The following OSBPL3 variants were observed in gnomAD, a reference collection of about 807,000 sequenced individuals.
OSBPL3 encodes the protein oxysterol binding protein like 3.
A neutral mutation model predicts 120.1 loss-of-function variants in OSBPL3; 65 were observed. The ratio of observed to expected loss-of-function variants is 0.54; its 90% confidence interval spans 0.44 to 0.67. The LOEUF (loss-of-function observed/expected upper bound fraction) is 0.67. Ranked by LOEUF, OSBPL3 falls within the 30% of genes least tolerant of loss-of-function variation. The pLI is 0.00. For synonymous variants in OSBPL3, 416 were observed against 402.6 expected (o/e 1.03, Z -0.40); for missense variants, 1,004 against 1,082.1 (o/e 0.93, Z 1.01).
rs1799184534 is a variant in OSBPL3, at chr7:24,851,770, G to C, written c.1158+734C>G. Among the ~76,000 whole-genome samples, 1 of 151,936 alleles carries C rather than the reference G, an allele frequency of 6.6e-6. No individual in the cohort carries two copies. Among genetic ancestry groups the C allele is most frequent in the East Asian group, 1.9e-4 (1 of 5,190 alleles). ...AACGAGATAACTTTATTCAAATAGA[G>C]GTAGGACATGGCACTTTAATGGAGC... On this transcript the variant is annotated intron_variant, in intron 11 of 22. Transcript: ENST00000313367. This position sits in a 1 kb window ranked among gnomAD's most constrained non-coding sequence, Gnocchi z 4.1.
At chr7:24,874,147 C>A (rs1037543542) in intron 2 of OSBPL3, among the ~76,000 whole-genome samples, 1 of 152,158 alleles carries the variant, frequency 6.6e-6, no homozygotes, top group South Asian at 2.1e-4. Context: ...CTTGGAATGT[C>A]ATAAATTAGC....
At chr7:24,814,675 A>T (rs971580686) in intron 19 of OSBPL3, among the ~76,000 whole-genome samples, 6 of 151,944 alleles carry the variant, frequency 3.9e-5, no homozygotes, top group African/African-American at 1.5e-4. Flanking sequence ...GGCGACCACC[A>T]TTCTGCTTTC....
chr7:24,868,458 G>A lies in OSBPL3; in HGVS notation c.382-2221C>T, dbSNP rs190793397. Among the ~76,000 whole-genome samples the A allele has an allele frequency of 1.2e-3, 176 of 149,520 alleles. 5 individuals carry two copies. The East Asian group carries it at 0.032, about 27-fold the overall frequency. ...CACATATTAGGACACCGAGATTTAT[G>A]AAGCTGTAATTTAAGATAATCCAAA... On this transcript the variant is annotated intron_variant, in intron 5 of 22. Transcript: ENST00000313367.
In OSBPL3 at chr7:24,924,830, G is replaced by A. The variant is rs147353048; in HGVS notation, c.-149-32209C>T. Reference sequence around the variant, plus strand: ...TATTCTTGAGATACTTAGACCTATAGCTGCTCACGGTTCTGCCTAGCAGTC... The same window carrying A: ...TATTCTTGAGATACTTAGACCTATAACTGCTCACGGTTCTGCCTAGCAGTC... On this transcript the variant is annotated intron_variant, in intron 1 of 22. Transcript: ENST00000313367. Among the ~76,000 whole-genome samples the A allele has an allele frequency of 2.2e-4, 34 of 152,292 alleles. No individual in the cohort carries two copies. In the East Asian group the frequency reaches 5.8e-3, roughly 26 times the overall value.
chr7:24,799,585 C>T lies in OSBPL3; in HGVS notation c.*598G>A, dbSNP rs766109400. 7 of 152,206 alleles carry T rather than the reference C, an allele frequency of 4.6e-5. No homozygotes were observed. Among genetic ancestry groups the T allele is most frequent in the East Asian group, 1.9e-4 (1 of 5,198 alleles). The allele number at this position is 152,206 out of a possible 1,614,324, so 9.4% of individuals were successfully genotyped here. On this transcript the variant is annotated 3_prime_UTR_variant, in exon 23 of 23. Transcript: ENST00000313367. The surrounding 1 kb of genome is among the most constrained non-coding windows in gnomAD (Gnocchi z 5.3). ...TTCCTTTTCAAGAAGGTGCCGTATA[C>T]GTCTTATATAAAAATATACATTCCA...
At position 24,906,335 on chromosome 7, in the gene OSBPL3, G is replaced by A. The variant is rs1700587956; in HGVS notation, c.-149-13714C>T. 3 of 240,110 alleles carry A rather than the reference G, an allele frequency of 1.2e-5. No homozygotes were observed. The South Asian group carries it at 1.4e-4, about 11-fold the overall frequency. The allele number at this position is 240,110 out of a possible 1,614,324, so 14.9% of individuals were successfully genotyped here. A position where few individuals can be genotyped will look rare whatever the true frequency, so the allele number is the denominator to read the frequency against. Reference sequence around the variant, plus strand: ...TAGGAGGTGCAGGCATCATACCAGGGCAAAGAGGAGCCGGGAGACTTGCGA... The same window carrying A: ...TAGGAGGTGCAGGCATCATACCAGGACAAAGAGGAGCCGGGAGACTTGCGA... On this transcript the variant is annotated intron_variant, in intron 1 of 22. Transcript: ENST00000313367.
In OSBPL3 at chr7:24,840,803, A is replaced by C; in HGVS notation, c.1402-20T>G. 9 of 1,107,382 alleles carry C rather than the reference A, an allele frequency of 8.1e-6. 1 individual carries two copies. The South Asian group carries it at 1.2e-4, about 15-fold the overall frequency. 68.6% of individuals were successfully genotyped at this position (1,107,382 alleles called of 1,614,324 possible). A position where few individuals can be genotyped will look rare whatever the true frequency, so the allele number is the denominator to read the frequency against. On this transcript the variant is annotated intron_variant, in intron 13 of 22. Coordinates refer to ENST00000313367, the MANE Select transcript of OSBPL3 (RefSeq NM_015550.4). The stretch of plus-strand genomic sequence containing the variant: ...AGAAATCTATGGGAAAGAAGAAATA[A>C]CATTCATTAGAGTTAGAATAAACAA...
In OSBPL3 at chr7:24,863,094, A is replaced by G; in HGVS notation, c.870+106T>C. 1.3e-6 allele frequency: 1 copy of G among 773,934 alleles called. No individual in the cohort carries two copies. Among genetic ancestry groups the G allele is most frequent in the South Asian group, 1.5e-5 (1 of 67,288 alleles). 47.9% of individuals were successfully genotyped at this position (773,934 alleles called of 1,614,324 possible). A position where few individuals can be genotyped will look rare whatever the true frequency, so the allele number is the denominator to read the frequency against. On this transcript the variant is annotated intron_variant, in intron 9 of 22. Coordinates refer to ENST00000313367, the MANE Select transcript of OSBPL3 (RefSeq NM_015550.4). The surrounding 1 kb of genome is among the most constrained non-coding windows in gnomAD (Gnocchi z 5.8). ...GGACACTGGAAAGAACAACTACAGA[A>G]TATTCACTCATCTATTCTCCTAGCT... is the stretch of plus-strand genomic sequence containing the variant.
At chr7:24,840,503 A>C (rs2128198935) in intron 14 of OSBPL3, among the ~76,000 whole-genome samples, 187 bp downstream of exon 14, 1 of 152,308 alleles carries the variant, frequency 6.6e-6, no homozygotes, top group East Asian at 1.9e-4. Context: ...TACACATAAC[A>C]CACAAAATAT....
At chr7:24,860,810 T>G (rs1020571737) in intron 10 of OSBPL3, among the ~76,000 whole-genome samples, 1 of 152,254 alleles carries the variant, frequency 6.6e-6, no homozygotes, top group African/African-American at 2.4e-5. Context: ...TACCACAGTT[T>G]GTTTAACCAT....
rs1250643206 is a variant in OSBPL3 at position 24,894,514 on chromosome 7, A to G, written c.-149-1893T>C. On this transcript the variant is annotated intron_variant, in intron 1 of 22. Coordinates refer to ENST00000313367, the MANE Select transcript of OSBPL3 (RefSeq NM_015550.4). The surrounding 1 kb of genome is among the most constrained non-coding windows in gnomAD (Gnocchi z 4.1). ...GTTGCTGTTTGAGAAAGAAAAAAAA[A>G]AAATCAAAAACCTGGTGGGAGCCCC... is the stretch of plus-strand genomic sequence containing the variant. Among the ~76,000 whole-genome samples the G allele has an allele frequency of 6.6e-6, 1 of 152,162 alleles. No individual in the cohort carries two copies. Among genetic ancestry groups the G allele is most frequent in the Non-Finnish European group, 1.5e-5 (1 of 68,040 alleles).
At position 24,855,824 on chromosome 7, in the gene OSBPL3, C is replaced by G. The variant is rs541091932; in HGVS notation, c.1028-3190G>C. On this transcript the variant is annotated intron_variant, in intron 10 of 22. Transcript: ENST00000313367. This position sits in a 1 kb window ranked among gnomAD's most constrained non-coding sequence, Gnocchi z 4.3. ...AAAAAATAGAAGATTCAAATGAGTG[C>G]ATCACATCTATGGTTACCTGACAAT... Among the ~76,000 whole-genome samples, 3 of 152,308 alleles carry G rather than the reference C, an allele frequency of 2.0e-5. No individual in the cohort carries two copies. The South Asian group carries it at 6.2e-4, about 32-fold the overall frequency.
chr7:24,812,553 T>A (rs1040715635), intron 19 of OSBPL3, among the ~76,000 whole-genome samples: 2 of 152,104 alleles, frequency 1.3e-5, no homozygotes, highest in Non-Finnish European at 2.9e-5. Flanking sequence ...AGAGTTGGTT[T>A]TTTTTGTTTG....
intron 16 of OSBPL3, among the ~76,000 whole-genome samples, chr7:24,823,906 T>G (rs1037180973): frequency 2.0e-5 from 3 of 152,246 alleles, no homozygotes; most frequent in Admixed American, 2.0e-4. Context: ...ATGAGCAGAA[T>G]CTAACCTGTC....
chr7:24,960,530 T>A (rs1200465498), intron 1 of OSBPL3, among the ~76,000 whole-genome samples: 1 of 152,158 alleles, frequency 6.6e-6, no homozygotes, highest in Admixed American at 6.5e-5. Flanking sequence ...TTAAAAATCT[T>A]TTCCATTGGG....
rs181480849 is a variant in OSBPL3, at chr7:24,863,741, T to G, written c.674-142A>C. 129 of 613,262 alleles carry G rather than the reference T, an allele frequency of 2.1e-4. No individual in the cohort carries two copies. The highest frequency in any genetic ancestry group is 3.8e-4 in the Middle Eastern group (1 of 2,632). 38.0% of individuals were successfully genotyped at this position (613,262 alleles called of 1,614,324 possible). A position where few individuals can be genotyped will look rare whatever the true frequency, so the allele number is the denominator to read the frequency against. On this transcript the variant is annotated intron_variant, in intron 7 of 22. Coordinates refer to ENST00000313367, the MANE Select transcript of OSBPL3 (RefSeq NM_015550.4). This position sits in a 1 kb window ranked among gnomAD's most constrained non-coding sequence, Gnocchi z 5.8. ...GTAAGGGTTGGAAATTTTACTTCCT[T>G]TTTTACAGGAAAGGCTGTAGACTCT...
rs1329351863 is a variant in OSBPL3 at position 24,834,447 on chromosome 7, C to T, written c.1746+39G>A. On this transcript the variant is annotated intron_variant, in intron 15 of 22. Coordinates refer to ENST00000313367, the MANE Select transcript of OSBPL3 (RefSeq NM_015550.4). The surrounding 1 kb of genome is among the most constrained non-coding windows in gnomAD (Gnocchi z 5.2). ...CGTGAATGGCCTCGTGGCTTGGGGA[C>T]CGAGGCTGGACAGTGGCAAGGGAAG... The T allele has an allele frequency of 6.3e-7, 1 of 1,576,630 alleles. No homozygotes were observed. The highest frequency in any genetic ancestry group is 2.3e-5 in the East Asian group (1 of 44,354).
In OSBPL3 at chr7:24,913,038, C is replaced by T. The variant is rs746132192; in HGVS notation, c.-149-20417G>A. On this transcript the variant is annotated intron_variant, in intron 1 of 22. Transcript: ENST00000313367. The surrounding 1 kb of genome is among the most constrained non-coding windows in gnomAD (Gnocchi z 5.3). ...AGAATGGCGACCGCCTCACCTCAGC[C>T]GATAACCAGCATCAACCCGCAGACA... Among the ~76,000 whole-genome samples, 1 of 152,150 alleles carries T rather than the reference C, an allele frequency of 6.6e-6. No homozygotes were observed. The highest frequency in any genetic ancestry group is 2.4e-5 in the African/African-American group (1 of 41,420).
intron 1 of OSBPL3, among the ~76,000 whole-genome samples, chr7:24,935,033 C>T (rs1584669094): frequency 1.3e-5 from 2 of 152,216 alleles, no homozygotes; most frequent in East Asian, 3.9e-4. Flanking sequence ...GGTTGCTCAT[C>T]ATAAGGTTGT....
Sources: allele counts gnomAD v4.1 joint callset (sites outside exome capture counted in the v4.1 genomes callset), GRCh38; gene constraint gnomAD v4.1.1; non-coding constraint Gnocchi (gnomAD v3.1); transcripts MANE v1.5; gene names NCBI Gene and HGNC (gene_info 2026-07-23, HGNC 2026-07-21).